The following LRP12 variants were observed in gnomAD, a reference collection of about 807,000 sequenced individuals.
The protein encoded by LRP12 is low-density lipoprotein receptor-related protein 12.
LRP12 carries 14 observed loss-of-function variants against 66.0 expected under a neutral mutation model. That is an observed-to-expected ratio of 0.21 (90% confidence interval 0.14 to 0.33). The LOEUF (loss-of-function observed/expected upper bound fraction) is 0.33. LRP12 is among the 10% of genes least tolerant of loss of function. The pLI, the probability that LRP12 is intolerant of heterozygous loss-of-function variation, is 1.00. For missense variants in LRP12, 889 were observed against 1,053.4 expected, an observed-to-expected ratio of 0.84 and a Z score of 2.16; for synonymous variants, 357 against 359.1, an observed-to-expected ratio of 0.99 and a Z score of 0.07.
chr8:104,573,263 T>C (rs1812109278), intron 1 of LRP12, among the ~76,000 whole-genome samples: 1 of 152,214 alleles, frequency 6.6e-6, no homozygotes, highest in East Asian at 1.9e-4. Flanking sequence ...TTATGTCTGC[T>C]ACTTTTTGAG....
intron 1 of LRP12, among the ~76,000 whole-genome samples, chr8:104,545,030 T>C (rs571331315): frequency 6.6e-6 from 1 of 152,304 alleles, no homozygotes; most frequent in South Asian, 2.1e-4. Flanking sequence ...ATGATTCCAT[T>C]GGAGGTCAAT....
intron 4 of LRP12, 124 bp from the exon 5 acceptor site, chr8:104,498,200 T>G: frequency 2.1e-6 from 2 of 972,274 alleles, no homozygotes; most frequent in Non-Finnish European, 2.9e-6. Flanking sequence ...CTAGAAGTTT[T>G]AAAAAACAGG....
At chr8:104,569,685 T>A (rs142437882) in intron 1 of LRP12, among the ~76,000 whole-genome samples, 184 of 152,158 alleles carry the variant, frequency 1.2e-3, no homozygotes, top group Non-Finnish European at 2.2e-3. Context: ...TAAAAAGGCA[T>A]CTACAAAAAC....
intron 1 of LRP12, among the ~76,000 whole-genome samples, chr8:104,574,957 A>G (rs1296174908): frequency 6.6e-6 from 1 of 152,176 alleles, no homozygotes; most frequent in Non-Finnish European, 1.5e-5. Context: ...GGAGGCAGCA[A>G]TGGGAAGAAA....
rs556244186 is a variant in LRP12, at chr8:104,536,753, T to TA, written c.80-4791dup. Among the ~76,000 whole-genome samples, 58 of 150,934 alleles carry TA rather than the reference T, an allele frequency of 3.8e-4. No individual in the cohort carries two copies. The South Asian group carries it at 7.1e-3, about 19-fold the overall frequency. Reference sequence around the variant, plus strand: ...CAGTGCGATTAGACAAGAATTGTTTTAAAAAAAAAGTAAAACTGTGTCCAT... The same window carrying TA: ...CAGTGCGATTAGACAAGAATTGTTTTAAAAAAAAAAGTAAAACTGTGTCCAT... On this transcript the variant is annotated intron_variant, in intron 1 of 6. Transcript: ENST00000276654.
chr8:104,500,721 C>G (rs1810815869), intron 3 of LRP12, among the ~76,000 whole-genome samples: 1 of 152,134 alleles, frequency 6.6e-6, no homozygotes. Flanking sequence ...CAAAACCAAA[C>G]AAAACCAAAC....
intron 1 of LRP12, among the ~76,000 whole-genome samples, chr8:104,580,365 A>C (rs1052031869): frequency 9.9e-5 from 15 of 151,272 alleles, no homozygotes; most frequent in African/African-American, 3.6e-4. Flanking sequence ...AAATAAAAAA[A>C]AAAAAAAAAA....
intron 6 of LRP12, 64 bp from the exon 7 acceptor site, chr8:104,491,603 AAAC>A (rs1810632197): frequency 2.4e-5 from 32 of 1,306,870 alleles, no homozygotes; most frequent in Non-Finnish European, 2.9e-5. Context: ...AAAAAAAAAA[AAAC>A]ACCCTTCTAT....
At chr8:104,570,949 A>T (rs1588508983) in intron 1 of LRP12, among the ~76,000 whole-genome samples, 1 of 152,350 alleles carries the variant, frequency 6.6e-6, no homozygotes, top group South Asian at 2.1e-4. Flanking sequence ...AAGATGGCAA[A>T]GAAGTATATG....
Position 104,548,625 on chromosome 8 carries a change from AATT to A in LRP12, c.80-16665_80-16663del, listed in dbSNP as rs566303756. ...AATTATATAATTAAATTAATTATATAATTATTATATAATTAAATTAATTATATA... is the reference window on the plus strand; with the variant it reads ...AATTATATAATTAAATTAATTATATAATTATATAATTAAATTAATTATATA... On this transcript the variant is annotated intron_variant, in intron 1 of 6. Coordinates refer to ENST00000276654, the MANE Select transcript of LRP12 (RefSeq NM_013437.5). Among the ~76,000 whole-genome samples the A allele has an allele frequency of 9.7e-4, 107 of 109,840 alleles. 1 individual carries two copies. In the East Asian group the frequency reaches 0.021, roughly 22 times the overall value. 72.1% of individuals were successfully genotyped at this position (109,840 alleles called of 152,430 possible). A position where few individuals can be genotyped will look rare whatever the true frequency, so the allele number is the denominator to read the frequency against.
Position 104,499,411 on chromosome 8 carries a change from T to A in LRP12, c.381A>T (p.Pro127=). 2 of 1,613,476 alleles carry A rather than the reference T, an allele frequency of 1.2e-6. No homozygotes were observed. The highest frequency in any genetic ancestry group is 8.5e-7 in the Non-Finnish European group (1 of 1,179,564). The change falls in exon 4 of 7, where the codon CCA becomes CCT. Residue 127 remains proline (P), a synonymous_variant. Transcript: ENST00000276654. Reference sequence around the variant, plus strand: ...GGTCTTGTGAAGAGATATACGGAGGTGGAATTGTGGAACCACAAGCTCTGT... The same window carrying A: ...GGTCTTGTGAAGAGATATACGGAGGAGGAATTGTGGAACCACAAGCTCTGT... The part of the protein sequence containing the change: ...ESYRACGSTI[P]PPYISSQDHI...
intron 1 of LRP12, among the ~76,000 whole-genome samples, chr8:104,540,475 CA>C (rs1246188399): frequency 1.3e-5 from 2 of 152,062 alleles, no homozygotes. Context: ...GGAAAGGCTC[CA>C]TAATGTCTAA....
Position 104,491,011 on chromosome 8 carries a change from T to C in LRP12, c.2242A>G (p.Ser748Gly), listed in dbSNP as rs770358260. The C allele has an allele frequency of 5.6e-6, 9 of 1,614,126 alleles. No individual in the cohort carries two copies. In the South Asian group the frequency reaches 8.8e-5, roughly 16 times the overall value. ...RWVRFTLGRS[S>G]SLSQNQSPLR... ...GGACTCTGGTTCTGACTTAGGGAAC[T>C]TGATCGTCCTAATGTAAAACGTACC... The change falls in exon 7 of 7, where the codon AGT (serine) becomes GGT (glycine). Residue 748 changes from serine (S) to glycine (G), a missense_variant. This residue lies in a region of LRP12 where 800 missense variants were observed against 964.5 expected (regional missense o/e 0.83). Coordinates refer to ENST00000276654, the MANE Select transcript of LRP12 (RefSeq NM_013437.5).
At chr8:104,553,477 C>A (rs188903829) in intron 1 of LRP12, among the ~76,000 whole-genome samples, 6 of 152,116 alleles carry the variant, frequency 3.9e-5, no homozygotes, top group Non-Finnish European at 5.9e-5. Context: ...GGCTTTCCCC[C>A]ACTTCCCTGG....
chr8:104,556,406 A>G (rs1811809327), intron 1 of LRP12, among the ~76,000 whole-genome samples: 1 of 152,200 alleles, frequency 6.6e-6, no homozygotes, highest in East Asian at 1.9e-4. Context: ...AGTGAGATTA[A>G]GCAAGAAGAG....
At position 104,547,833 on chromosome 8, in the gene LRP12, A is replaced by G. The variant is rs1398192980; in HGVS notation, c.80-15870T>C. ...TAATTCTATATACTTTGTATATAAT[A>G]TATAATTCTATGTTATATTTTGTAT... On this transcript the variant is annotated intron_variant, in intron 1 of 6. Coordinates refer to ENST00000276654, the MANE Select transcript of LRP12 (RefSeq NM_013437.5). 3.3e-5 allele frequency among the ~76,000 whole-genome samples: 4 copies of G among 122,322 alleles called. No homozygotes were observed. The East Asian group carries it at 9.0e-4, about 27-fold the overall frequency. The allele number at this position is 122,322 out of a possible 152,430, so 80.2% of individuals were successfully genotyped here. A position where few individuals can be genotyped will look rare whatever the true frequency, so the allele number is the denominator to read the frequency against.
chr8:104,575,914 A>G (rs1220552234), intron 1 of LRP12, among the ~76,000 whole-genome samples: 5 of 152,184 alleles, frequency 3.3e-5, no homozygotes, highest in Non-Finnish European at 7.3e-5. Context: ...CAGCCACTAC[A>G]GAAAAGAATG....
chr8:104,553,782 T>C (rs1051027944), intron 1 of LRP12, among the ~76,000 whole-genome samples: 2 of 152,206 alleles, frequency 1.3e-5, no homozygotes, highest in Non-Finnish European at 2.9e-5. Flanking sequence ...CCACAGCTGA[T>C]GCTCTCTTGA....
At chr8:104,543,278 A>G (rs999768354) in intron 1 of LRP12, among the ~76,000 whole-genome samples, 1 of 152,108 alleles carries the variant, frequency 6.6e-6, no homozygotes, top group Non-Finnish European at 1.5e-5. Flanking sequence ...CAAGAGAATG[A>G]GGTCACTTTA....
Sources: allele counts gnomAD v4.1 joint callset (sites outside exome capture counted in the v4.1 genomes callset), GRCh38; gene constraint gnomAD v4.1.1; regional missense constraint gnomAD v4.1.1; transcripts MANE v1.5; gene names NCBI Gene and HGNC (gene_info 2026-07-23, HGNC 2026-07-21).